Variants in CALD1 observed in about 807,000 individuals in gnomAD.
CALD1 encodes the protein caldesmon.
In CALD1, 33 loss-of-function variants were observed where a neutral mutation model predicts 99.9. The observed-to-expected ratio is 0.33, with a 90% CI of 0.25 to 0.44. CALD1 has a LOEUF of 0.44. Among genes scored for constraint, CALD1 ranks in the 20% least tolerant of loss-of-function variants. The pLI is 1.00. For missense variants in CALD1, 861 were observed against 962.1 expected (o/e 0.89, Z 1.39); for synonymous variants, 310 against 325.0 (o/e 0.95, Z 0.50).
chr7:134,801,581 T>G (rs1797942815), intron 1 of CALD1, among the ~76,000 whole-genome samples: 1 of 152,172 alleles, frequency 6.6e-6, no homozygotes, highest in South Asian at 2.1e-4. Flanking sequence ...ATAGAATATT[T>G]TTGCTTGGTA....
intron 3 of CALD1, among the ~76,000 whole-genome samples, chr7:134,874,803 T>C (rs1392428634): frequency 6.6e-6 from 1 of 152,324 alleles, no homozygotes; most frequent in Admixed American, 6.5e-5. Flanking sequence ...GTAAATATTT[T>C]TACTACACTA....
chr7:134,765,554 A>T (rs1228812605), intron 1 of CALD1, among the ~76,000 whole-genome samples: 1 of 152,118 alleles, frequency 6.6e-6, no homozygotes, highest in Non-Finnish European at 1.5e-5. Context: ...CAAAAGGCAA[A>T]CCCCTTTTAT....
chr7:134,918,330 C>T (rs995987428), intron 3 of CALD1, among the ~76,000 whole-genome samples: 1 of 152,174 alleles, frequency 6.6e-6, no homozygotes, highest in Non-Finnish European at 1.5e-5. Flanking sequence ...ATTATAATCT[C>T]AAGAAATGTT....
the CALD1 span, among the ~76,000 whole-genome samples, chr7:134,724,735 G>A: frequency 3.9e-5 from 6 of 152,318 alleles, no homozygotes; most frequent in Admixed American, 1.3e-4. Flanking sequence ...TTGTGAAACA[G>A]GTACAGAGGA....
the CALD1 span, among the ~76,000 whole-genome samples, chr7:134,711,685 TGTGTGTG>T: frequency 4.8e-5 from 1 of 20,916 alleles, no homozygotes; most frequent in Non-Finnish European, 2.5e-4. Flanking sequence ...TATATATGTG[TGTGTGTG>T]TGTGTGTGTG....
intron 6 of CALD1, among the ~76,000 whole-genome samples, chr7:134,939,311 C>T (rs948927496): frequency 3.3e-5 from 5 of 152,132 alleles, no homozygotes; most frequent in East Asian, 1.9e-4. Context: ...ATGAAAAATT[C>T]GGAAGGAATC....
intron 1 of CALD1, among the ~76,000 whole-genome samples, chr7:134,756,357 AT>A (rs34702351): frequency 0.73 from 108,003 of 148,688 alleles, 40,719 homozygotes; most frequent in East Asian, 0.99. Context: ...ATCATATGGC[AT>A]TTTTTTCCTA....
intron 9 of CALD1, among the ~76,000 whole-genome samples, chr7:134,950,813 G>A (rs1052076768): frequency 7.2e-5 from 11 of 152,262 alleles, no homozygotes; most frequent in South Asian, 2.1e-4. Context: ...AAAACTAGCC[G>A]GACGTGGTGG....
chr7:134,777,712 C>T (rs74912387), upstream of CALD1, among the ~76,000 whole-genome samples: 4,670 of 152,234 alleles, frequency 0.031, 208 homozygotes, highest in African/African-American at 0.11. Context: ...GCACCCGGAA[C>T]GTCTCTGGAC....
At chr7:134,741,449 T>G (rs1417961656), upstream of CALD1, among the ~76,000 whole-genome samples, 1 of 152,122 alleles carries the variant, frequency 6.6e-6, no homozygotes, top group Non-Finnish European at 1.5e-5. Flanking sequence ...AGATGAGATT[T>G]GGGTGGGGAC....
chr7:134,801,594 T>C lies in CALD1; in HGVS notation c.-130+21845T>C, dbSNP rs567079038. 2.0e-5 allele frequency among the ~76,000 whole-genome samples: 3 copies of C among 152,302 alleles called. No homozygotes were observed. The East Asian group carries it at 5.8e-4, about 29-fold the overall frequency. On this transcript the variant is annotated intron_variant, in intron 1 of 14. Coordinates refer to ENST00000361675, the MANE Select transcript of CALD1 (RefSeq NM_033138.4). ...GTATAGAATATTTTTGCTTGGTACA[T>C]TGAAGAAATCACATTTTCTTCTCTC... is the stretch of plus-strand genomic sequence containing the variant.
In CALD1 at chr7:134,895,974, A is replaced by G. The variant is rs1802543273; in HGVS notation, c.71+28170A>G. Among the ~76,000 whole-genome samples, 5 of 151,946 alleles carry G rather than the reference A, an allele frequency of 3.3e-5. No homozygotes were observed. In the South Asian group the frequency reaches 1.0e-3, roughly 32 times the overall value. ...ATCCTGGTCACGTGCTTTGACCTGA[A>G]TCACCCCTGGTCACCTGCTCTGACC... On this transcript the variant is annotated intron_variant, in intron 3 of 14. Transcript: ENST00000361675.
chr7:134,935,856 A>G, intron 6 of CALD1, 91 bp downstream of exon 6: 3 of 1,261,580 alleles, frequency 2.4e-6, no homozygotes, highest in Non-Finnish European at 3.3e-6. Flanking sequence ...TCAAAATTGT[A>G]ACCTCATATC....
the CALD1 span, among the ~76,000 whole-genome samples, chr7:134,722,389 TTTTG>T: frequency 4.0e-5 from 6 of 148,974 alleles, no homozygotes; most frequent in African/African-American, 9.8e-5. Context: ...AGTAGTTCGA[TTTTG>T]TTTATTTATT....
At chr7:134,952,230 G>C (rs1298287382) in intron 9 of CALD1, among the ~76,000 whole-genome samples, 2 of 152,030 alleles carry the variant, frequency 1.3e-5, no homozygotes, top group Non-Finnish European at 2.9e-5. Flanking sequence ...GAACTTGGGA[G>C]GCAGAGGTTA....
At chr7:134,856,480 T>G (rs1021548507) in intron 2 of CALD1, among the ~76,000 whole-genome samples, 15 of 152,170 alleles carry the variant, frequency 9.9e-5, no homozygotes, top group Non-Finnish European at 1.5e-5. Flanking sequence ...CAGGCAACAG[T>G]TTTTTTAGAC....
intron 5 of CALD1, 148 bp from the exon 6 acceptor site, chr7:134,935,540 T>G: frequency 1.5e-6 from 2 of 1,295,420 alleles, no homozygotes; most frequent in Non-Finnish European, 2.1e-6. Flanking sequence ...CCTTGCTGTT[T>G]AGAACCACTG....
At chr7:134,782,604 T>C (rs1256403857) in intron 1 of CALD1, among the ~76,000 whole-genome samples, 1 of 152,208 alleles carries the variant, frequency 6.6e-6, no homozygotes, top group East Asian at 1.9e-4. Flanking sequence ...AGCTTTTGAC[T>C]TCATCTGTTG....
chr7:134,825,642 C>T (rs1253209445), intron 1 of CALD1, among the ~76,000 whole-genome samples: 1 of 152,042 alleles, frequency 6.6e-6, no homozygotes, highest in East Asian at 1.9e-4. Flanking sequence ...GTATAATCTG[C>T]AAAATTATAT....
Sources: gnomAD v4.1 joint callset for allele counts (sites outside exome capture counted in the v4.1 genomes callset) on GRCh38, gnomAD v4.1.1 for gene constraint, MANE v1.5 for transcripts, NCBI Gene and HGNC (gene_info 2026-07-23, HGNC 2026-07-21) for gene names.